Variants in PLCB4 observed in about 807,000 individuals in gnomAD.
PLCB4 encodes the protein 1-phosphatidylinositol 4,5-bisphosphate phosphodiesterase beta-4.
Under a neutral mutation model 178.8 loss-of-function variants are expected in PLCB4, and 77 were observed. The ratio of observed to expected loss-of-function variants is 0.43; its 90% CI spans 0.36 to 0.52. The LOEUF is 0.52. Among genes scored for constraint, PLCB4 ranks in the 20% least tolerant of loss-of-function variants. The pLI is 0.00. For missense variants in PLCB4, 1,024 were observed against 1,453.4 expected, an observed-to-expected ratio of 0.70 and a Z score of 4.80; for synonymous variants, 496 against 490.8, an observed-to-expected ratio of 1.01 and a Z score of -0.14.
At position 9,288,260 on chromosome 20, in the gene PLCB4, A is replaced by G. The variant is rs78486337; in HGVS notation, c.-15-19540A>G. On this transcript the variant is annotated intron_variant, in intron 3 of 39. Coordinates refer to ENST00000378473, the MANE Select transcript of PLCB4 (RefSeq NM_001377142.1). ...TAGGATCTGAAAGTTCACTAATTTT[A>G]TTATAGCCCTTTATCAGTGACCTCC... Among the ~76,000 whole-genome samples, 9 of 152,200 alleles carry G rather than the reference A, an allele frequency of 5.9e-5. No individual in the cohort carries two copies. The East Asian group carries it at 1.7e-3, about 29-fold the overall frequency.
intron 2 of PLCB4, among the ~76,000 whole-genome samples, chr20:9,134,779 A>C: frequency 6.6e-6 from 1 of 152,158 alleles, no homozygotes; most frequent in East Asian, 1.9e-4. Context: ...TAGGAAGAAA[A>C]GTGAAAGAGC....
chr20:9,231,812 A>G (rs901437530), intron 3 of PLCB4, among the ~76,000 whole-genome samples: 4 of 152,180 alleles, frequency 2.6e-5, no homozygotes, highest in African/African-American at 9.6e-5. Flanking sequence ...TTGTTTCCCA[A>G]GAGAATGAAA....
Position 9,206,262 on chromosome 20 carries a change from C to T in PLCB4, c.-78-11128C>T, listed in dbSNP as rs908846224. Among the ~76,000 whole-genome samples the T allele has an allele frequency of 7.9e-5, 12 of 151,190 alleles. No individual in the cohort carries two copies. The East Asian group carries it at 1.8e-3, about 22-fold the overall frequency. On this transcript the variant is annotated intron_variant, in intron 2 of 39. Transcript: ENST00000378473. ...CAAGAGAGTAAAATTATCTGTGTCC[C>T]TCCCACATCCCTCCTCCTGCCTTTT...
chr20:9,319,841 T>C (rs1477121101), intron 4 of PLCB4, among the ~76,000 whole-genome samples: 1 of 152,164 alleles, frequency 6.6e-6, no homozygotes, highest in Non-Finnish European at 1.5e-5. Flanking sequence ...TCATCAGCCA[T>C]CAGCCTTAGC....
chr20:9,252,747 A>G (rs1219310846), intron 3 of PLCB4, among the ~76,000 whole-genome samples: 1 of 152,190 alleles, frequency 6.6e-6, no homozygotes, highest in Non-Finnish European at 1.5e-5. Flanking sequence ...GAAGGGCTGA[A>G]TAGAACAGAA....
In PLCB4 at chr20:9,232,913, G is replaced by A. The variant is rs1429304843; in HGVS notation, c.-16+15461G>A. Among the ~76,000 whole-genome samples, 2 of 152,054 alleles carry A rather than the reference G, an allele frequency of 1.3e-5. 1 individual carries two copies. The highest frequency in any genetic ancestry group is 2.9e-5 in the Non-Finnish European group (2 of 67,970). On this transcript the variant is annotated intron_variant, in intron 3 of 39. Transcript: ENST00000378473. The stretch of plus-strand genomic sequence containing the variant: ...TAAAGCTGAGAGAAAAAATATGATT[G>A]TAATATGTTTATTTGGGTTGAATGC...
intron 2 of PLCB4, among the ~76,000 whole-genome samples, chr20:9,165,520 T>C (rs915304576): frequency 2.0e-5 from 3 of 152,330 alleles, no homozygotes; most frequent in Admixed American, 6.5e-5. Context: ...CAATTCTCTC[T>C]GGATGCCTCT....
intron 1 of PLCB4, among the ~76,000 whole-genome samples, chr20:9,086,708 C>G (rs542436782): frequency 1.3e-5 from 2 of 152,228 alleles, no homozygotes; most frequent in Admixed American, 6.5e-5. Flanking sequence ...CAGTTTTGAT[C>G]AAATAGGTTG....
intron 3 of PLCB4, among the ~76,000 whole-genome samples, chr20:9,301,397 A>G (rs1292363603): frequency 6.6e-6 from 1 of 152,006 alleles, no homozygotes; most frequent in Admixed American, 6.6e-5. Context: ...TTGTGAAAGT[A>G]TTGACCTAAA....
rs572293931 is a variant in PLCB4 at position 9,358,311 on chromosome 20, C to A, written c.370-4585C>A. ...GAACAACTTAATTAAGATACCTTCACTAGTAGCCTCTTCTGTGAAAACAGA... is the reference window on the plus strand; with the variant it reads ...GAACAACTTAATTAAGATACCTTCAATAGTAGCCTCTTCTGTGAAAACAGA... On this transcript the variant is annotated intron_variant, in intron 7 of 39. Transcript: ENST00000378473. Among the ~76,000 whole-genome samples, 7 of 152,330 alleles carry A rather than the reference C, an allele frequency of 4.6e-5. No homozygotes were observed. In the East Asian group the frequency reaches 7.7e-4, roughly 17 times the overall value.
At chr20:9,153,856 TGGGCATTTAGGTATGTA>T (rs1160492213) in intron 2 of PLCB4, among the ~76,000 whole-genome samples, 5 of 152,168 alleles carry the variant, frequency 3.3e-5, no homozygotes, top group Admixed American at 3.3e-4. Context: ...GCAAACAAGG[TGGGCATTTAGGTATGTA>T]GGTGTTCAGC....
At chr20:9,451,878 T>C (rs1213776962) in intron 32 of PLCB4, among the ~76,000 whole-genome samples, 2 of 152,206 alleles carry the variant, frequency 1.3e-5, no homozygotes. Flanking sequence ...ACCCCAGCAC[T>C]GAAAAACCCA....
chr20:9,414,666 C>T lies in PLCB4; in HGVS notation c.2051+3578C>T, dbSNP rs142676043. On this transcript the variant is annotated intron_variant, in intron 25 of 39. Coordinates refer to ENST00000378473, the MANE Select transcript of PLCB4 (RefSeq NM_001377142.1). ...CCTCCTGGGAAAACCCTCTGTGCTC[C>T]CTGGCTGATCTTGTGGGAGGACGCA... Among the ~76,000 whole-genome samples, 31 of 152,276 alleles carry T rather than the reference C, an allele frequency of 2.0e-4. No individual in the cohort carries two copies. The East Asian group carries it at 5.6e-3, about 28-fold the overall frequency.
intron 4 of PLCB4, among the ~76,000 whole-genome samples, chr20:9,308,316 T>C (rs1476510089): frequency 6.6e-6 from 1 of 152,214 alleles, no homozygotes; most frequent in Non-Finnish European, 1.5e-5. Flanking sequence ...CTTTGCTCAT[T>C]TCATTGATAT....
intron 3 of PLCB4, among the ~76,000 whole-genome samples, chr20:9,264,102 G>C (rs1313660069): frequency 6.6e-6 from 1 of 152,072 alleles, no homozygotes; most frequent in Admixed American, 6.5e-5. Flanking sequence ...TCTGTATTAA[G>C]TCTATTTAGA....
chr20:9,362,323 C>T (rs1440287914), intron 7 of PLCB4, among the ~76,000 whole-genome samples: 1 of 152,168 alleles, frequency 6.6e-6, no homozygotes, highest in African/African-American at 2.4e-5. Context: ...GTATGAACTA[C>T]AAGTGAGGTC....
intron 3 of PLCB4, among the ~76,000 whole-genome samples, chr20:9,270,759 A>G (rs1263326213): frequency 1.3e-5 from 2 of 152,130 alleles, no homozygotes; most frequent in African/African-American, 4.8e-5. Flanking sequence ...CCAGTCTAAT[A>G]TATAGATCAA....
intron 4 of PLCB4, among the ~76,000 whole-genome samples, chr20:9,323,827 G>C (rs2029886847): frequency 6.6e-6 from 1 of 152,160 alleles, no homozygotes; most frequent in South Asian, 2.1e-4. Flanking sequence ...CTCCTCTGGT[G>C]GGCGTTCTGT....
intron 3 of PLCB4, among the ~76,000 whole-genome samples, chr20:9,263,895 A>C (rs1383017175): frequency 1.3e-5 from 2 of 152,206 alleles, no homozygotes; most frequent in Admixed American, 1.3e-4. Flanking sequence ...AATCATGTCC[A>C]AAAGGCAAGT....
Sources: gnomAD v4.1 joint callset for allele counts (sites outside exome capture counted in the v4.1 genomes callset) on GRCh38, gnomAD v4.1.1 for gene constraint, MANE v1.5 for transcripts, NCBI Gene and HGNC (gene_info 2026-07-23, HGNC 2026-07-21) for gene names.